The following PCDH7 variants were observed in gnomAD, a reference collection of about 807,000 sequenced individuals.
PCDH7 encodes protocadherin 7, also known as protocadherin-7.
A neutral mutation model predicts 58.9 loss-of-function variants in PCDH7; 17 were observed. The observed-to-expected ratio is 0.29, with a 90% CI of 0.20 to 0.43. The LOEUF is 0.43. Ranked by LOEUF, PCDH7 falls within the 20% of genes least tolerant of loss-of-function variation. The probability of loss-of-function intolerance (pLI) is 1.00; values close to 1 mark genes in which losing one functional copy is unlikely to be tolerated. For missense variants in PCDH7, 1,274 were observed against 1,441.0 expected (o/e 0.88, Z 1.88); for synonymous variants, 664 against 616.4 (o/e 1.08, Z -1.14).
chr4:30,721,257 G>C lies in PCDH7; in HGVS notation c.-166G>C, dbSNP rs1713456890. On this transcript the variant is annotated 5_prime_UTR_variant, in exon 1 of 2. Transcript: ENST00000361762. This position sits in a 1 kb window ranked among gnomAD's most constrained non-coding sequence, Gnocchi z 6.7. ...TCGCTGCCCTCCCACCCCCATTCCC[G>C]GCCAACTCTCCACGCCGCTTTTGCC... 3.3e-6 allele frequency: 2 copies of C among 608,194 alleles called. No individual in the cohort carries two copies. The highest frequency in any genetic ancestry group is 6.7e-5 in the Admixed American group (2 of 29,892). 37.7% of individuals were successfully genotyped at this position (608,194 alleles called of 1,614,324 possible). A position where few individuals can be genotyped will look rare whatever the true frequency, so the allele number is the denominator to read the frequency against.
intron 1 of PCDH7, among the ~76,000 whole-genome samples, chr4:30,837,804 C>T (rs1374655): frequency 6.7e-6 from 1 of 150,012 alleles, no homozygotes; most frequent in Non-Finnish European, 1.5e-5. Context: ...AAATGAAACT[C>T]TAATATAAGA....
chr4:30,816,696 T>C (rs535607814), intron 1 of PCDH7, among the ~76,000 whole-genome samples: 2 of 152,304 alleles, frequency 1.3e-5, no homozygotes, highest in Admixed American at 6.5e-5. Flanking sequence ...TTATATATGA[T>C]ACAAAAATGT....
chr4:30,763,406 T>C (rs1303722027), intron 1 of PCDH7, among the ~76,000 whole-genome samples: 2 of 152,224 alleles, frequency 1.3e-5, no homozygotes, highest in Non-Finnish European at 2.9e-5. Flanking sequence ...GATCTTTATC[T>C]AAACAATGCA....
chr4:31,073,100 G>C (rs1444546543), intron 3 of PCDH7, among the ~76,000 whole-genome samples: 3 of 152,086 alleles, frequency 2.0e-5, no homozygotes, highest in Non-Finnish European at 4.4e-5. Context: ...AGTGTGAGAT[G>C]AACAGTCAAA....
At chr4:30,980,431 G>T (rs1040027513) in intron 3 of PCDH7, among the ~76,000 whole-genome samples, 1 of 151,724 alleles carries the variant, frequency 6.6e-6, no homozygotes, top group African/African-American at 2.4e-5. Flanking sequence ...TTAGCTATTG[G>T]GGAAAAACAT....
intron 3 of PCDH7, among the ~76,000 whole-genome samples, chr4:30,971,106 A>G (rs1161144977): frequency 6.6e-6 from 1 of 152,224 alleles, no homozygotes; most frequent in African/African-American, 2.4e-5. Context: ...TTTCCTTGCC[A>G]GAGGTCACTT....
chr4:30,913,001 A>C (rs2109406986), intron 1 of PCDH7, among the ~76,000 whole-genome samples: 1 of 151,274 alleles, frequency 6.6e-6, no homozygotes. Context: ...ATAAAAATAA[A>C]GTTTTTAATA....
intron 2 of PCDH7, among the ~76,000 whole-genome samples, chr4:30,929,750 G>C (rs1258552642): frequency 2.0e-5 from 3 of 152,094 alleles, no homozygotes; most frequent in Non-Finnish European, 4.4e-5. Context: ...TAATGAAGTT[G>C]TTAGGAAGCC....
At position 31,078,983 on chromosome 4, in the gene PCDH7, G is replaced by A. The variant is rs143148479; in HGVS notation, c.*8-63490G>A. Among the ~76,000 whole-genome samples the A allele has an allele frequency of 5.3e-3, 811 of 151,848 alleles. 3 individuals carry two copies. The highest frequency in any genetic ancestry group is 8.3e-3 in the Non-Finnish European group (566 of 67,938). On this transcript the variant is annotated intron_variant, in intron 3 of 3. Coordinates refer to the PCDH7 transcript ENST00000509759. ...AAACAGTGGTCTGTTGACTCCAGTC[G>A]ATAAATGAATCTGTGATAATTGGGT...
intron 1 of PCDH7, among the ~76,000 whole-genome samples, chr4:30,792,179 G>A (rs1724203725): frequency 6.6e-6 from 1 of 152,104 alleles, no homozygotes; most frequent in South Asian, 2.1e-4. Flanking sequence ...TTAACTAAGA[G>A]TATTTTGGAG....
chr4:30,746,895 G>A (rs576346841), intron 1 of PCDH7, among the ~76,000 whole-genome samples: 7 of 151,986 alleles, frequency 4.6e-5, no homozygotes, highest in Non-Finnish European at 8.8e-5. Flanking sequence ...GGTTTTCCTT[G>A]CACTGGCCTA....
At chr4:30,839,210 A>G (rs1578001561) in intron 1 of PCDH7, among the ~76,000 whole-genome samples, 1 of 152,068 alleles carries the variant, frequency 6.6e-6, no homozygotes, top group East Asian at 1.9e-4. Context: ...TAACCAATTA[A>G]TAATTACTAA....
intron 1 of PCDH7, among the ~76,000 whole-genome samples, chr4:30,755,474 C>A (rs961949611): frequency 1.3e-5 from 2 of 152,116 alleles, no homozygotes; most frequent in African/African-American, 4.8e-5. Context: ...AGCCTTGAGG[C>A]CTGAGTCCAC....
chr4:30,968,308 A>C (rs1187556911), intron 3 of PCDH7, among the ~76,000 whole-genome samples: 2 of 65,538 alleles, frequency 3.1e-5, no homozygotes, highest in South Asian at 5.2e-4. Context: ...CTCTCTATAT[A>C]TATATATACA....
chr4:31,065,500 C>T (rs771108627), intron 3 of PCDH7, among the ~76,000 whole-genome samples: 4 of 151,930 alleles, frequency 2.6e-5, no homozygotes, highest in Non-Finnish European at 5.9e-5. Flanking sequence ...ATTAATGCTT[C>T]TCCAATTACA....
rs537828635 is a variant in PCDH7, at chr4:31,041,903, C to G, written c.*7+91688C>G. On this transcript the variant is annotated intron_variant, in intron 3 of 3. Coordinates refer to the PCDH7 transcript ENST00000509759. The stretch of plus-strand genomic sequence containing the variant: ...TAAACCAAGAATTTTAAAAAGTTTT[C>G]TGTTCATAGAAGTGAAATATTTTTT... 4.9e-4 allele frequency among the ~76,000 whole-genome samples: 75 copies of G among 152,230 alleles called. 1 individual carries two copies. The highest frequency in any genetic ancestry group is 1.8e-3 in the African/African-American group (73 of 41,562).
chr4:30,806,314 CT>C (rs1015557714), intron 1 of PCDH7, among the ~76,000 whole-genome samples: 4 of 148,238 alleles, frequency 2.7e-5, no homozygotes, highest in African/African-American at 4.9e-5. Flanking sequence ...TAAAGATTTC[CT>C]TTTTTTTTTC....
At chr4:30,962,648 G>A (rs1748556651) in intron 3 of PCDH7, among the ~76,000 whole-genome samples, 1 of 151,744 alleles carries the variant, frequency 6.6e-6, no homozygotes, top group Admixed American at 6.6e-5. Flanking sequence ...AGCAAGGTAT[G>A]GTGGTGCTCT....
At chr4:31,046,482 T>C (rs907861506) in intron 3 of PCDH7, among the ~76,000 whole-genome samples, 1 of 152,094 alleles carries the variant, frequency 6.6e-6, no homozygotes, top group African/African-American at 2.4e-5. Flanking sequence ...GCATTTGCCA[T>C]GACTCAAATA....
Sources: allele counts gnomAD v4.1 joint callset (sites outside exome capture counted in the v4.1 genomes callset), GRCh38; gene constraint gnomAD v4.1.1; non-coding constraint Gnocchi (gnomAD v3.1); transcripts MANE v1.5; gene names NCBI Gene and HGNC (gene_info 2026-07-23, HGNC 2026-07-21).